Variants in ARHGAP24 observed in about 807,000 individuals in gnomAD.
The protein encoded by ARHGAP24 is rho GTPase-activating protein 24.
A neutral mutation model predicts 76.4 loss-of-function variants in ARHGAP24; 50 were observed. The ratio of observed to expected loss-of-function variants is 0.65; its 90% CI spans 0.52 to 0.83. The LOEUF (loss-of-function observed/expected upper bound fraction) is 0.83. ARHGAP24 is among the 40% of genes least tolerant of loss of function. The pLI is 0.00. For synonymous variants in ARHGAP24, 345 were observed against 323.3 expected, an observed-to-expected ratio of 1.07 and a Z score of -0.72; for missense variants, 930 against 914.2, an observed-to-expected ratio of 1.02 and a Z score of -0.22.
intron 2 of ARHGAP24, among the ~76,000 whole-genome samples, chr4:85,715,158 A>T (rs1163259568): frequency 3.3e-5 from 5 of 152,102 alleles, no homozygotes; most frequent in Non-Finnish European, 5.9e-5. Context: ...TATCAACATC[A>T]AACGCTATGG....
At chr4:85,551,167 G>T (rs1429854775) in intron 1 of ARHGAP24, among the ~76,000 whole-genome samples, 1 of 152,164 alleles carries the variant, frequency 6.6e-6, no homozygotes, top group Non-Finnish European at 1.5e-5. Flanking sequence ...TTGTGGGTTT[G>T]TCATAGATGG....
intron 3 of ARHGAP24, among the ~76,000 whole-genome samples, chr4:85,868,617 A>G (rs1414092643): frequency 6.6e-6 from 1 of 152,198 alleles, no homozygotes; most frequent in Non-Finnish European, 1.5e-5. Context: ...ATCCTGGAAC[A>G]GAAAAGGATT....
chr4:85,506,573 G>T (rs970211164), intron 1 of ARHGAP24, among the ~76,000 whole-genome samples: 1 of 149,350 alleles, frequency 6.7e-6, no homozygotes, highest in Admixed American at 6.6e-5. Flanking sequence ...AAAATCTTCA[G>T]GTCTGCCAGT....
chr4:85,603,875 A>G (rs1560548972), intron 2 of ARHGAP24, among the ~76,000 whole-genome samples: 1 of 152,026 alleles, frequency 6.6e-6, no homozygotes, highest in South Asian at 2.1e-4. Context: ...TTTTTTTTTA[A>G]TCTTTGAAGT....
chr4:85,643,075 A>G (rs1721585207), intron 2 of ARHGAP24, among the ~76,000 whole-genome samples: 1 of 121,990 alleles, frequency 8.2e-6, no homozygotes, highest in African/African-American at 3.4e-5. Flanking sequence ...TCCAAGGTTA[A>G]CCTTTTTCCT....
intron 2 of ARHGAP24, among the ~76,000 whole-genome samples, chr4:85,720,604 C>T (rs766764713): frequency 9.9e-5 from 15 of 152,074 alleles, no homozygotes; most frequent in Non-Finnish European, 1.3e-4. Flanking sequence ...AATATTACTC[C>T]GATATTCATT....
intron 5 of ARHGAP24, among the ~76,000 whole-genome samples, chr4:85,945,456 G>T (rs897061819): frequency 5.9e-5 from 9 of 151,822 alleles, no homozygotes; most frequent in Admixed American, 3.9e-4. Flanking sequence ...ATAACATTGT[G>T]CTTCTTAAAA....
In ARHGAP24 at chr4:85,753,373, A is replaced by G. The variant is rs376213857; in HGVS notation, c.268+31401A>G. Among the ~76,000 whole-genome samples, 17 of 152,338 alleles carry G rather than the reference A, an allele frequency of 1.1e-4. No homozygotes were observed. The East Asian group carries it at 1.7e-3, about 16-fold the overall frequency. On this transcript the variant is annotated intron_variant, in intron 3 of 9. Transcript: ENST00000395184. ...CCTATAAAGAGGAGGAAACTCAAGTACATATATTTATAATTTTCAGACAGT... is the reference window on the plus strand; with the variant it reads ...CCTATAAAGAGGAGGAAACTCAAGTGCATATATTTATAATTTTCAGACAGT...
chr4:85,509,082 A>G (rs1486985543), intron 1 of ARHGAP24, among the ~76,000 whole-genome samples: 1 of 151,656 alleles, frequency 6.6e-6, no homozygotes, highest in Non-Finnish European at 1.5e-5. Context: ...TTTCTCAGTA[A>G]ACTATCGCAA....
intron 3 of ARHGAP24, among the ~76,000 whole-genome samples, chr4:85,780,788 C>T (rs1383248469): frequency 6.6e-6 from 1 of 152,216 alleles, no homozygotes; most frequent in Non-Finnish European, 1.5e-5. Context: ...GCTCAGGAGA[C>T]ACTTGGCTTG....
chr4:85,981,394 G>A (rs1390171649), intron 8 of ARHGAP24, among the ~76,000 whole-genome samples: 1 of 152,110 alleles, frequency 6.6e-6, no homozygotes, highest in Non-Finnish European at 1.5e-5. Flanking sequence ...GCACATTTCT[G>A]GTGAGATTAG....
chr4:85,480,228 CA>C (rs1440648196), intron 1 of ARHGAP24, among the ~76,000 whole-genome samples: 1 of 152,130 alleles, frequency 6.6e-6, no homozygotes, highest in Non-Finnish European at 1.5e-5. Flanking sequence ...TTATGCGTTT[CA>C]AATTCTTTAT....
chr4:85,503,042 C>T (rs1333924781), intron 1 of ARHGAP24, among the ~76,000 whole-genome samples: 1 of 152,186 alleles, frequency 6.6e-6, no homozygotes, highest in Non-Finnish European at 1.5e-5. Flanking sequence ...ATATGTTGAA[C>T]CAGCCTTGCA....
chr4:85,818,681 C>T (rs1729345679), intron 3 of ARHGAP24, among the ~76,000 whole-genome samples: 1 of 152,144 alleles, frequency 6.6e-6, no homozygotes, highest in Non-Finnish European at 1.5e-5. Flanking sequence ...ACAGTCAGGA[C>T]TTTAGTGAGA....
At chr4:85,507,293 C>T (rs1232529558) in intron 1 of ARHGAP24, among the ~76,000 whole-genome samples, 1 of 152,136 alleles carries the variant, frequency 6.6e-6, no homozygotes, top group African/African-American at 2.4e-5. Context: ...GCGATCATGG[C>T]TCACTGTAGC....
chr4:85,823,538 A>C lies in ARHGAP24; in HGVS notation c.269-100110A>C, dbSNP rs539641817. Among the ~76,000 whole-genome samples the C allele has an allele frequency of 6.2e-4, 94 of 152,294 alleles. 1 individual carries two copies. The highest frequency in any genetic ancestry group is 3.7e-3 in the Admixed American group (57 of 15,286). On this transcript the variant is annotated intron_variant, in intron 3 of 9. Transcript: ENST00000395184. ...GGCTTTCTGAAGGAACCCCACATGC[A>C]GTGTTTTGATGGAACAGCAGCTGAC...
In ARHGAP24 at chr4:85,486,375, C is replaced by T. The variant is rs529285726; in HGVS notation, c.-21+10816C>T. ...GTCCTGCAATATGTGTATGATGGTCCGTCACTACAATGAATTTTTCTTCCT... is the reference window on the plus strand; with the variant it reads ...GTCCTGCAATATGTGTATGATGGTCTGTCACTACAATGAATTTTTCTTCCT... On this transcript the variant is annotated intron_variant, in intron 1 of 9. Transcript: ENST00000395184. Among the ~76,000 whole-genome samples, 15 of 152,110 alleles carry T rather than the reference C, an allele frequency of 9.9e-5. 2 individuals carry two copies. The highest frequency in any genetic ancestry group is 5.9e-4 in the Admixed American group (9 of 15,264).
At position 85,669,644 on chromosome 4, in the gene ARHGAP24, AATATATATATATATATATATAT is replaced by A. The variant is rs58332235; in HGVS notation, c.181-52214_181-52193del. Among the ~76,000 whole-genome samples the A allele has an allele frequency of 1.8e-3, 166 of 93,244 alleles. 2 individuals are homozygous for A. Among genetic ancestry groups the A allele is most frequent in the African/African-American group, 4.9e-3 (109 of 22,444 alleles). The allele number at this position is 93,244 out of a possible 152,430, so 61.2% of individuals were successfully genotyped here. On this transcript the variant is annotated intron_variant, in intron 2 of 9. Coordinates refer to ENST00000395184, the MANE Select transcript of ARHGAP24 (RefSeq NM_001025616.3). ...AGACTGCATTGACCCTGTACTTTCA[AATATATATATATATATATATAT>A]ATATATATATATATATATATATATA...
chr4:85,535,475 T>C (rs1434930067), intron 1 of ARHGAP24, among the ~76,000 whole-genome samples: 2 of 152,172 alleles, frequency 1.3e-5, no homozygotes, highest in African/African-American at 2.4e-5. Context: ...GGTCTAGAGA[T>C]AGAAAAAGTA....
Sources: allele counts gnomAD v4.1 joint callset (sites outside exome capture counted in the v4.1 genomes callset), GRCh38; gene constraint gnomAD v4.1.1; transcripts MANE v1.5; gene names NCBI Gene and HGNC (gene_info 2026-07-23, HGNC 2026-07-21).